Variants in SLC24A2 observed in about 807,000 individuals in gnomAD.
The protein encoded by SLC24A2 is solute carrier family 24 member 2, also known as sodium/potassium/calcium exchanger 2.
Under a neutral mutation model 62.0 loss-of-function variants are expected in SLC24A2, and 36 were observed. The ratio of observed to expected loss-of-function variants is 0.58; its 90% CI spans 0.44 to 0.77. SLC24A2 has a LOEUF of 0.77. Ranked by LOEUF, SLC24A2 falls within the 30% of genes least tolerant of loss-of-function variation. The pLI is 0.00. For synonymous variants in SLC24A2, 358 were observed against 294.0 expected, an observed-to-expected ratio of 1.22 and a Z score of -2.23; for missense variants, 846 against 817.9, an observed-to-expected ratio of 1.03 and a Z score of -0.42.
the SLC24A2 span, among the ~76,000 whole-genome samples, chr9:20,210,637 C>CT: frequency 4.9e-4 from 40 of 80,866 alleles, 2 homozygotes; most frequent in African/African-American, 2.1e-3. Flanking sequence ...CAACGCCCGG[C>CT]TTTTTTTTTT....
intron 2 of SLC24A2, among the ~76,000 whole-genome samples, chr9:19,648,173 C>T (rs1818697337): frequency 6.6e-6 from 1 of 152,162 alleles, no homozygotes; most frequent in African/African-American, 2.4e-5. Context: ...ATATTATTAT[C>T]TTCATTAGCC....
chr9:20,194,562 G>GA, the SLC24A2 span, among the ~76,000 whole-genome samples: 1 of 152,082 alleles, frequency 6.6e-6, no homozygotes. Context: ...TTTAGAATGT[G>GA]AAAAGAAATG....
chr9:20,091,021 C>A, the SLC24A2 span, among the ~76,000 whole-genome samples: 5 of 151,346 alleles, frequency 3.3e-5, no homozygotes, highest in Admixed American at 2.0e-4. Context: ...ACTGATCTGA[C>A]AGAGATGAAA....
intron 2 of SLC24A2, among the ~76,000 whole-genome samples, chr9:19,769,679 G>A (rs1781479373): frequency 6.6e-6 from 1 of 152,164 alleles, no homozygotes; most frequent in Non-Finnish European, 1.5e-5. Flanking sequence ...ATCCTACGCT[G>A]TGCATTTGTG....
intron 2 of SLC24A2, among the ~76,000 whole-genome samples, chr9:19,766,774 C>A (rs759082273): frequency 2.0e-5 from 3 of 152,320 alleles, no homozygotes; most frequent in South Asian, 4.1e-4. Context: ...TGAGGGTCAG[C>A]GACCCACTTG....
the SLC24A2 span, among the ~76,000 whole-genome samples, chr9:20,267,432 C>T: frequency 6.6e-6 from 1 of 152,208 alleles, no homozygotes; most frequent in Non-Finnish European, 1.5e-5. Flanking sequence ...TAGTGCTTGT[C>T]TGGCCAGGAC....
the SLC24A2 span, among the ~76,000 whole-genome samples, chr9:19,959,815 G>A: frequency 2.6e-5 from 4 of 152,112 alleles, no homozygotes; most frequent in African/African-American, 4.8e-5. Context: ...AAGTTTACAC[G>A]ATCTCACTCA....
the SLC24A2 span, among the ~76,000 whole-genome samples, chr9:20,252,713 C>T: frequency 3.9e-5 from 6 of 152,196 alleles, no homozygotes; most frequent in Non-Finnish European, 5.9e-5. Context: ...CTTTTTACTA[C>T]CAATTGGCAG....
At chr9:19,739,172 C>T (rs1467470856) in intron 2 of SLC24A2, among the ~76,000 whole-genome samples, 1 of 152,042 alleles carries the variant, frequency 6.6e-6, no homozygotes, top group Non-Finnish European at 1.5e-5. Context: ...TGCATGACTG[C>T]TACAAAAAAC....
At chr9:19,994,125 C>T in the SLC24A2 span, among the ~76,000 whole-genome samples, 1 of 152,122 alleles carries the variant, frequency 6.6e-6, no homozygotes, top group Non-Finnish European at 1.5e-5. Flanking sequence ...GTTTCCATTG[C>T]AACAGGCTGC....
the SLC24A2 span, among the ~76,000 whole-genome samples, chr9:20,257,102 A>G: frequency 3.9e-5 from 6 of 152,140 alleles, no homozygotes; most frequent in Admixed American, 3.9e-4. Flanking sequence ...GGCACTATCA[A>G]TCTGTTTTTA....
the SLC24A2 span, among the ~76,000 whole-genome samples, chr9:20,302,306 C>T: frequency 6.6e-6 from 1 of 152,128 alleles, no homozygotes; most frequent in Non-Finnish European, 1.5e-5. Flanking sequence ...ACTGGCAAAC[C>T]GTCTTCCCAA....
chr9:19,718,412 C>T (rs1587210804), intron 2 of SLC24A2, among the ~76,000 whole-genome samples: 1 of 150,148 alleles, frequency 6.7e-6, no homozygotes, highest in African/African-American at 2.5e-5. Context: ...CCCACCTCAG[C>T]CTCCTGAGTA....
chr9:20,165,886 A>C, the SLC24A2 span, among the ~76,000 whole-genome samples: 25 of 152,100 alleles, frequency 1.6e-4, no homozygotes, highest in Middle Eastern at 3.4e-3. Flanking sequence ...AATATGTATC[A>C]CAGAAAAAGA....
the SLC24A2 span, among the ~76,000 whole-genome samples, chr9:20,156,024 T>C: frequency 6.6e-6 from 1 of 151,758 alleles, no homozygotes; most frequent in Admixed American, 6.6e-5. Context: ...AGCCTATTAC[T>C]CTACCTGTGT....
At chr9:19,727,673 C>T (rs1821211063) in intron 2 of SLC24A2, among the ~76,000 whole-genome samples, 1 of 152,136 alleles carries the variant, frequency 6.6e-6, no homozygotes, top group African/African-American at 2.4e-5. Flanking sequence ...AGTAATTTTG[C>T]TATAAATCCT....
chr9:19,836,777 A>G, the SLC24A2 span, among the ~76,000 whole-genome samples: 1 of 152,184 alleles, frequency 6.6e-6, no homozygotes, highest in Non-Finnish European at 1.5e-5. Context: ...CACAACCAAA[A>G]AAGAGAATTT....
At chr9:19,912,908 T>C in the SLC24A2 span, among the ~76,000 whole-genome samples, 6 of 152,260 alleles carry the variant, frequency 3.9e-5, no homozygotes, top group South Asian at 1.2e-3. Flanking sequence ...TTCCCTCAAC[T>C]TACAGGCTTG....
chr9:19,546,893 G>A (rs1384787654), intron 8 of SLC24A2, among the ~76,000 whole-genome samples: 1 of 152,184 alleles, frequency 6.6e-6, no homozygotes, highest in Non-Finnish European at 1.5e-5. Context: ...AGAGTGCACT[G>A]TTCCTCATGG....
Sources: gnomAD v4.1 joint callset for allele counts (sites outside exome capture counted in the v4.1 genomes callset) on GRCh38, gnomAD v4.1.1 for gene constraint, MANE v1.5 for transcripts, NCBI Gene and HGNC (gene_info 2026-07-23, HGNC 2026-07-21) for gene names.